ERBB4: variants seen among roughly 807,000 people sequenced by gnomAD.
ERBB4 encodes the protein erb-b2 receptor tyrosine kinase 4, also known as receptor tyrosine-protein kinase erbB-4.
In ERBB4, 42 loss-of-function variants were observed where a neutral mutation model predicts 158.0. The observed-to-expected ratio is 0.27, with a 90% CI of 0.21 to 0.34. The LOEUF is 0.34. Ranked by LOEUF, ERBB4 falls within the 10% of genes least tolerant of loss-of-function variation. The pLI is 1.00. For missense variants in ERBB4, 1,333 were observed against 1,624.1 expected (o/e 0.82, Z 3.08); for synonymous variants, 583 against 558.7 (o/e 1.04, Z -0.61).
intron 3 of ERBB4, among the ~76,000 whole-genome samples, chr2:211,931,989 A>G (rs1466943258): frequency 6.6e-6 from 1 of 152,094 alleles, no homozygotes; most frequent in Admixed American, 6.6e-5. Context: ...GGCACAGCAC[A>G]TAAGTGATTG....
intron 3 of ERBB4, among the ~76,000 whole-genome samples, chr2:211,825,840 A>G (rs1358314975): frequency 6.8e-6 from 1 of 147,550 alleles, no homozygotes; most frequent in Non-Finnish European, 1.5e-5. Context: ...TTAATATATT[A>G]CACTATATTT....
intron 3 of ERBB4, among the ~76,000 whole-genome samples, chr2:211,841,451 C>A (rs778983862): frequency 6.6e-6 from 1 of 151,936 alleles, no homozygotes; most frequent in Non-Finnish European, 1.5e-5. Context: ...CAAAATGATA[C>A]CATGACACAT....
chr2:212,493,255 T>G (rs940507515), intron 1 of ERBB4, among the ~76,000 whole-genome samples: 1 of 151,508 alleles, frequency 6.6e-6, no homozygotes, highest in African/African-American at 2.4e-5. Flanking sequence ...TATAAATAAA[T>G]GTACTTTATT....
chr2:212,154,311 G>A (rs1326403982), intron 1 of ERBB4, among the ~76,000 whole-genome samples: 1 of 152,118 alleles, frequency 6.6e-6, no homozygotes, highest in Non-Finnish European at 1.5e-5. Flanking sequence ...GACCATGCCA[G>A]CCCTGCCTTA....
intron 1 of ERBB4, among the ~76,000 whole-genome samples, chr2:212,209,073 T>C (rs2105921846): frequency 6.6e-6 from 1 of 152,136 alleles, no homozygotes; most frequent in East Asian, 1.9e-4. Context: ...TCAACTTTGA[T>C]AGCATCTGTG....
chr2:211,409,964 A>G (rs1247547277), intron 25 of ERBB4, among the ~76,000 whole-genome samples: 1 of 152,188 alleles, frequency 6.6e-6, no homozygotes, highest in Non-Finnish European at 1.5e-5. Flanking sequence ...ACAACAGTGC[A>G]TCTCAGTGAA....
chr2:212,486,904 T>C (rs144866401), intron 1 of ERBB4, among the ~76,000 whole-genome samples: 1 of 152,282 alleles, frequency 6.6e-6, no homozygotes, highest in African/African-American at 2.4e-5. Flanking sequence ...CATTTATAAT[T>C]AGCTTTTTAA....
chr2:211,970,598 T>C (rs2081424862), intron 2 of ERBB4, among the ~76,000 whole-genome samples: 1 of 152,202 alleles, frequency 6.6e-6, no homozygotes, highest in Non-Finnish European at 1.5e-5. Context: ...TTAGATCTTC[T>C]TGCTGAATTG....
At chr2:211,563,072 T>C (rs2067450094) in intron 19 of ERBB4, among the ~76,000 whole-genome samples, 1 of 152,114 alleles carries the variant, frequency 6.6e-6, no homozygotes, top group African/African-American at 2.4e-5. Context: ...ATGAGAAAAC[T>C]GAGTTATAAT....
chr2:211,866,016 A>T (rs2078197090), intron 3 of ERBB4, among the ~76,000 whole-genome samples: 1 of 152,192 alleles, frequency 6.6e-6, no homozygotes, highest in Non-Finnish European at 1.5e-5. Context: ...ATATACACTT[A>T]TACTGTGACC....
intron 18 of ERBB4, among the ~76,000 whole-genome samples, chr2:211,620,644 A>C (rs2069565880): frequency 6.6e-6 from 1 of 152,230 alleles, no homozygotes. Context: ...ATTAAAAAGA[A>C]AATAAAGCAG....
At chr2:211,994,971 G>A (rs937869172) in intron 2 of ERBB4, among the ~76,000 whole-genome samples, 3 of 152,088 alleles carry the variant, frequency 2.0e-5, no homozygotes, top group Non-Finnish European at 4.4e-5. Context: ...GACATTCTGG[G>A]AATTCTCTGA....
intron 3 of ERBB4, among the ~76,000 whole-genome samples, chr2:211,914,267 T>TC (rs1392476360): frequency 7.1e-6 from 1 of 140,218 alleles, no homozygotes; most frequent in South Asian, 2.3e-4. Context: ...TTTTTTTTTT[T>TC]CAAACAAACA....
At chr2:211,771,546 A>C (rs62183031) in intron 4 of ERBB4, among the ~76,000 whole-genome samples, 30,259 of 152,208 alleles carry the variant, frequency 0.2, 3,879 homozygotes, top group Non-Finnish European at 0.29. Flanking sequence ...GGAAAACTTG[A>C]ATGCAAAAGT....
intron 2 of ERBB4, among the ~76,000 whole-genome samples, chr2:212,013,936 A>G (rs1329239330): frequency 6.6e-6 from 1 of 152,238 alleles, no homozygotes; most frequent in African/African-American, 2.4e-5. Context: ...CCAGTTTGTC[A>G]TACGTCATTA....
intron 5 of ERBB4, among the ~76,000 whole-genome samples, chr2:211,733,436 A>AT (rs1170572287): frequency 3.3e-5 from 5 of 151,972 alleles, no homozygotes; most frequent in Admixed American, 6.5e-5. Context: ...AAGAGTATGA[A>AT]TCTGCGTAAG....
intron 1 of ERBB4, among the ~76,000 whole-genome samples, chr2:212,316,524 G>A (rs1268814004): frequency 6.6e-6 from 1 of 151,494 alleles, no homozygotes; most frequent in Admixed American, 6.6e-5. Flanking sequence ...CGCTAAGTAA[G>A]CTTTCAGGTG....
chr2:211,708,402 G>T, intron 9 of ERBB4, among the ~76,000 whole-genome samples: 1 of 152,044 alleles, frequency 6.6e-6, no homozygotes, highest in Non-Finnish European at 1.5e-5. Flanking sequence ...CCTGAACTAA[G>T]AAGCATGACT....
At chr2:211,726,459 A>G (rs1271358260) in intron 5 of ERBB4, among the ~76,000 whole-genome samples, 2 of 152,134 alleles carry the variant, frequency 1.3e-5, no homozygotes, top group Non-Finnish European at 2.9e-5. Context: ...TACTGAGTGT[A>G]TTTCTTTTCT....
Sources: allele counts gnomAD v4.1 joint callset (sites outside exome capture counted in the v4.1 genomes callset), GRCh38; gene constraint gnomAD v4.1.1; transcripts MANE v1.5; gene names NCBI Gene and HGNC (gene_info 2026-07-23, HGNC 2026-07-21).